Variants in TSPAN15 observed in about 807,000 individuals in gnomAD.
TSPAN15 encodes the protein tetraspanin-15.
TSPAN15 carries 20 observed loss-of-function variants against 34.5 expected under a neutral mutation model. The ratio of observed to expected loss-of-function variants is 0.58; its 90% confidence interval spans 0.41 to 0.84. TSPAN15 has a LOEUF of 0.84. TSPAN15 is among the 40% of genes least tolerant of loss of function. The pLI, the probability that TSPAN15 is intolerant of heterozygous loss-of-function variation, is 0.00. For missense variants in TSPAN15, 313 were observed against 386.1 expected (o/e 0.81, Z 1.59); for synonymous variants, 155 against 153.9 (o/e 1.01, Z -0.05).
Position 69,506,990 on chromosome 10 carries a change from C to T in TSPAN15, c.*12C>T, listed in dbSNP as rs377116590. The T allele has an allele frequency of 1.8e-4, 292 of 1,606,238 alleles. No individual in the cohort carries two copies. Among genetic ancestry groups the T allele is most frequent in the Non-Finnish European group, 2.3e-4 (276 of 1,177,350 alleles). On this transcript the variant is annotated 3_prime_UTR_variant, in exon 8 of 8. Transcript: ENST00000373290. The surrounding 1 kb of genome is among the most constrained non-coding windows in gnomAD (Gnocchi z 4.7). ...GCTACCCCAATTAGGGCCCAGCCTG[C>T]CATGGCAGCTCCAACAAGGACCGTC...
At chr10:69,518,114 A>C in the TSPAN15 span, among the ~76,000 whole-genome samples, 1 of 152,258 alleles carries the variant, frequency 6.6e-6, no homozygotes, top group Non-Finnish European at 1.5e-5. Context: ...CTATTAGATA[A>C]GGACAATCCG....
At chr10:69,463,497 A>T (rs535319955) in intron 1 of TSPAN15, among the ~76,000 whole-genome samples, 2 of 152,102 alleles carry the variant, frequency 1.3e-5, no homozygotes, top group Non-Finnish European at 2.9e-5. Context: ...TTGTGGGTTG[A>T]GTCGTGGCCT....
chr10:69,497,897 T>C (rs1177448138), intron 4 of TSPAN15, among the ~76,000 whole-genome samples: 1 of 152,144 alleles, frequency 6.6e-6, no homozygotes, highest in Non-Finnish European at 1.5e-5. Flanking sequence ...GCAGGGACTT[T>C]CACAGAATCA....
intron 1 of TSPAN15, among the ~76,000 whole-genome samples, chr10:69,463,869 C>A (rs1403679501): frequency 6.6e-6 from 1 of 150,992 alleles, no homozygotes; most frequent in Non-Finnish European, 1.5e-5. Flanking sequence ...GTGAATGTAA[C>A]CTTATTTGGA....
the TSPAN15 span, among the ~76,000 whole-genome samples, chr10:69,517,067 C>T: frequency 1.3e-5 from 2 of 152,228 alleles, no homozygotes; most frequent in African/African-American, 4.8e-5. Context: ...CTGCCTTCTC[C>T]TCTCCAGAAG....
chr10:69,451,537 T>C lies in TSPAN15; in HGVS notation c.-58T>C. The stretch of plus-strand genomic sequence containing the variant: ...CGCAGGTGGGGCCACGAGCGCTGGC[T>C]GAGGGACCGAGCCGGAGAGCCCCGG... On this transcript the variant is annotated 5_prime_UTR_variant, in exon 1 of 8. Transcript: ENST00000373290. 7.6e-7 allele frequency: 1 copy of C among 1,323,190 alleles called. No homozygotes were observed. The highest frequency in any genetic ancestry group is 9.7e-7 in the Non-Finnish European group (1 of 1,034,388). The allele number at this position is 1,323,190 out of a possible 1,614,324, so 82.0% of individuals were successfully genotyped here. A position where few individuals can be genotyped will look rare whatever the true frequency, so the allele number is the denominator to read the frequency against.
At chr10:69,495,769 G>A (rs911963360) in intron 4 of TSPAN15, 80 bp downstream of exon 4, 1 of 1,012,264 alleles carries the variant, frequency 9.9e-7, no homozygotes, top group African/African-American at 1.6e-5. Context: ...AGAAGATGGG[G>A]TGAGGGACCA....
chr10:69,504,987 G>A (rs1842294591), intron 6 of TSPAN15, among the ~76,000 whole-genome samples: 1 of 152,100 alleles, frequency 6.6e-6, no homozygotes, highest in Admixed American at 6.6e-5. Context: ...TTCAAAGTGG[G>A]GTCCCCAGTC....
At chr10:69,512,814 T>G in the TSPAN15 span, among the ~76,000 whole-genome samples, 1 of 152,258 alleles carries the variant, frequency 6.6e-6, no homozygotes, top group East Asian at 1.9e-4. Flanking sequence ...GGATACACCA[T>G]GGTTTATTTA....
chr10:69,452,730 A>T (rs1841000850), intron 1 of TSPAN15, among the ~76,000 whole-genome samples: 1 of 152,200 alleles, frequency 6.6e-6, no homozygotes, highest in Non-Finnish European at 1.5e-5. Flanking sequence ...ATCTTCCTAT[A>T]GGCCAGCTCC....
chr10:69,539,482 GAGAAGAAGAAGAAGA>G, the TSPAN15 span, among the ~76,000 whole-genome samples: 5 of 67,056 alleles, frequency 7.5e-5, no homozygotes, highest in African/African-American at 2.2e-4. Flanking sequence ...GAAGGAGAAG[GAGAAGAAGAAGAAGA>G]AGAAGAAGAA....
In TSPAN15 at chr10:69,495,591, T is replaced by C. The variant is rs1441625579; in HGVS notation, c.358-3T>C. The C allele has an allele frequency of 6.2e-7, 1 of 1,608,368 alleles. No homozygotes were observed. The highest frequency in any genetic ancestry group is 1.3e-5 in the African/African-American group (1 of 74,780). ...TTCCTTTGTAATTTCTCCTTTTGAATAGACCATTGACTTCCTGAACGACAA... is the reference window on the plus strand; with the variant it reads ...TTCCTTTGTAATTTCTCCTTTTGAACAGACCATTGACTTCCTGAACGACAA... On this transcript the variant is annotated splice_region_variant and splice_polypyrimidine_tract_variant and intron_variant, in intron 3 of 7. Coordinates refer to ENST00000373290, the MANE Select transcript of TSPAN15 (RefSeq NM_012339.5).
At chr10:69,519,675 C>A in the TSPAN15 span, among the ~76,000 whole-genome samples, 1 of 152,114 alleles carries the variant, frequency 6.6e-6, no homozygotes, top group South Asian at 2.1e-4. Context: ...GCTTTCTCTA[C>A]TTTTTGGTGA....
chr10:69,467,111 A>C (rs1841400770), intron 1 of TSPAN15, among the ~76,000 whole-genome samples: 2 of 152,106 alleles, frequency 1.3e-5, no homozygotes, highest in Non-Finnish European at 2.9e-5. Flanking sequence ...GATTTTCTTA[A>C]AGCAGAGGAG....
the TSPAN15 span, among the ~76,000 whole-genome samples, chr10:69,534,244 G>A: frequency 6.6e-6 from 1 of 152,208 alleles, no homozygotes; most frequent in Non-Finnish European, 1.5e-5. Flanking sequence ...TACAAAAGCA[G>A]AGACAAACTG....
chr10:69,548,965 T>C, the TSPAN15 span, among the ~76,000 whole-genome samples: 2 of 110,560 alleles, frequency 1.8e-5, no homozygotes, highest in African/African-American at 5.3e-5. Flanking sequence ...TGTAGTCCCA[T>C]TTTTTAAGAG....
At chr10:69,548,083 GA>G in the TSPAN15 span, among the ~76,000 whole-genome samples, 1 of 152,112 alleles carries the variant, frequency 6.6e-6, no homozygotes, top group Non-Finnish European at 1.5e-5. Flanking sequence ...ACTGGTAACT[GA>G]AGAAGAACCA....
chr10:69,485,032 C>A, intron 2 of TSPAN15, 109 bp from the exon 3 acceptor site: 1 of 1,077,862 alleles, frequency 9.3e-7, no homozygotes, highest in East Asian at 2.4e-5. Context: ...AGGAGCTCCC[C>A]GAGGGATGCT....
the TSPAN15 span, among the ~76,000 whole-genome samples, chr10:69,543,528 C>G: frequency 6.6e-6 from 1 of 152,218 alleles, no homozygotes; most frequent in African/African-American, 2.4e-5. Context: ...CCACCCAGCC[C>G]TAGCCTTGTC....
Sources: allele counts gnomAD v4.1 joint callset (sites outside exome capture counted in the v4.1 genomes callset), GRCh38; gene constraint gnomAD v4.1.1; non-coding constraint Gnocchi (gnomAD v3.1); transcripts MANE v1.5; gene names NCBI Gene and HGNC (gene_info 2026-07-23, HGNC 2026-07-21).